Variants in CD1B observed in about 807,000 individuals in gnomAD.
CD1B encodes CD1b molecule, also known as T-cell surface glycoprotein CD1b.
In CD1B, 43 loss-of-function variants were observed where a neutral mutation model predicts 39.8. The observed-to-expected ratio is 1.08, with a 90% CI of 0.85 to 1.39. The LOEUF (loss-of-function observed/expected upper bound fraction) is 1.39. Among genes scored for constraint, CD1B ranks in the 40% most tolerant of loss-of-function variants. CD1B has a pLI of 0.00. For synonymous variants in CD1B, 192 were observed against 152.5 expected, an observed-to-expected ratio of 1.26 and a Z score of -1.91; for missense variants, 495 against 403.8, an observed-to-expected ratio of 1.23 and a Z score of -1.94.
chr1:158,318,522 C>A, the CD1B span, among the ~76,000 whole-genome samples: 1 of 151,996 alleles, frequency 6.6e-6, no homozygotes, highest in Non-Finnish European at 1.5e-5. Context: ...CTTGGTAGAT[C>A]TTCCTCCATC....
chr1:158,314,290 G>T, the CD1B span, among the ~76,000 whole-genome samples: 2 of 152,212 alleles, frequency 1.3e-5, no homozygotes, highest in African/African-American at 4.8e-5. Context: ...TCACCATGTT[G>T]CTCAGGCTGG....
At chr1:158,316,237 T>G in the CD1B span, among the ~76,000 whole-genome samples, 1 of 152,162 alleles carries the variant, frequency 6.6e-6, no homozygotes, top group African/African-American at 2.4e-5. Context: ...AATCTGTAAA[T>G]TACCTTGGGC....
At chr1:158,313,867 T>C in the CD1B span, among the ~76,000 whole-genome samples, 1 of 152,278 alleles carries the variant, frequency 6.6e-6, no homozygotes, top group East Asian at 1.9e-4. Flanking sequence ...TGTTTGAATT[T>C]TCTGTTTCTT....
chr1:158,292,362 C>G, the CD1B span: 1 of 1,612,310 alleles, frequency 6.2e-7, no homozygotes, highest in South Asian at 1.1e-5. Context: ...TGTACACAGG[C>G]AAGGTCAGTA....
chr1:158,314,370 C>T, the CD1B span, among the ~76,000 whole-genome samples: 9 of 152,216 alleles, frequency 5.9e-5, no homozygotes, highest in East Asian at 9.7e-4. Flanking sequence ...GGTGAGCCAC[C>T]GTGCCTGGCC....
the CD1B span, among the ~76,000 whole-genome samples, chr1:158,311,378 C>CT: frequency 6.6e-6 from 1 of 152,144 alleles, no homozygotes; most frequent in Admixed American, 6.5e-5. Context: ...AAATAACTTA[C>CT]TTTTTTGCCA....
the CD1B span, chr1:158,292,531 G>T: frequency 6.5e-7 from 1 of 1,543,474 alleles, no homozygotes. Context: ...TCATGTGGAT[G>T]TGTGTATGTG....
At chr1:158,308,611 T>C in the CD1B span, among the ~76,000 whole-genome samples, 2 of 152,162 alleles carry the variant, frequency 1.3e-5, no homozygotes, top group African/African-American at 4.8e-5. Context: ...CAAAACAGCA[T>C]GGTACTGGTA....
At chr1:158,317,059 G>C in the CD1B span, among the ~76,000 whole-genome samples, 1,886 of 151,374 alleles carry the variant, frequency 0.012, 48 homozygotes, top group African/African-American at 0.042. Flanking sequence ...ATTTGGTTTG[G>C]CAGTATTTTA....
chr1:158,330,201 G>A (rs1439089277), intron 2 of CD1B, 71 bp from the exon 3 acceptor site: 2 of 1,408,000 alleles, frequency 1.4e-6, no homozygotes, highest in East Asian at 2.3e-5. Context: ...AAGAACCTAG[G>A]ATTTTAGATT....
the CD1B span, among the ~76,000 whole-genome samples, chr1:158,304,308 T>G: frequency 6.1e-3 from 924 of 152,286 alleles, 9 homozygotes; most frequent in African/African-American, 0.022. Flanking sequence ...ATGCCAGGCC[T>G]GGAGGGTCCT....
At chr1:158,315,227 G>A in the CD1B span, among the ~76,000 whole-genome samples, 31 of 152,208 alleles carry the variant, frequency 2.0e-4, no homozygotes, top group Non-Finnish European at 3.7e-4. Flanking sequence ...CTGAGGAATC[G>A]CCACACTGAC....
the CD1B span, among the ~76,000 whole-genome samples, chr1:158,310,996 C>T: frequency 4.6e-5 from 7 of 152,066 alleles, no homozygotes; most frequent in Admixed American, 2.6e-4. Context: ...TACACCAAGC[C>T]CCCACAACAT....
At chr1:158,303,117 G>A in the CD1B span, among the ~76,000 whole-genome samples, 1 of 152,162 alleles carries the variant, frequency 6.6e-6, no homozygotes, top group South Asian at 2.1e-4. Flanking sequence ...GGGACTCAAG[G>A]TTGGTTCAAC....
At chr1:158,288,229 T>G in the CD1B span, among the ~76,000 whole-genome samples, 1 of 152,210 alleles carries the variant, frequency 6.6e-6, no homozygotes, top group Non-Finnish European at 1.5e-5. Context: ...TCATAGAAAT[T>G]GCCACATATC....
chr1:158,290,480 T>C, the CD1B span, among the ~76,000 whole-genome samples: 1 of 152,092 alleles, frequency 6.6e-6, no homozygotes, highest in East Asian at 1.9e-4. Context: ...CACGCACCAC[T>C]TTGTCTAAGG....
the CD1B span, among the ~76,000 whole-genome samples, chr1:158,301,155 C>T: frequency 1.3e-5 from 2 of 151,934 alleles, no homozygotes; most frequent in Non-Finnish European, 2.9e-5. Flanking sequence ...AGAGTGTCCT[C>T]CATCCCTTTA....
the CD1B span, among the ~76,000 whole-genome samples, chr1:158,307,843 T>C: frequency 1.3e-5 from 2 of 152,084 alleles, no homozygotes; most frequent in Non-Finnish European, 2.9e-5. Context: ...CTCAAAATAA[T>C]AAGAGCTATT....
chr1:158,325,268 A>C (rs1469271130), downstream of CD1B, among the ~76,000 whole-genome samples: 1 of 152,120 alleles, frequency 6.6e-6, no homozygotes. Context: ...TTCCCAATAA[A>C]TCCTAACAAT....
Sources: allele counts gnomAD v4.1 joint callset (sites outside exome capture counted in the v4.1 genomes callset), GRCh38; gene constraint gnomAD v4.1.1; transcripts MANE v1.5; gene names NCBI Gene and HGNC (gene_info 2026-07-23, HGNC 2026-07-21).